The following RNF111 variants were observed in gnomAD, a reference collection of about 807,000 sequenced individuals.
RNF111 encodes ring finger protein 111.
In RNF111, 17 loss-of-function variants were observed where a neutral mutation model predicts 95.1. That is an observed-to-expected ratio of 0.18 (90% CI 0.12 to 0.27). The LOEUF is 0.27. Among genes scored for constraint, RNF111 ranks in the 10% least tolerant of loss-of-function variants. The pLI is 1.00. For synonymous variants in RNF111, 440 were observed against 414.8 expected (o/e 1.06, Z -0.74); for missense variants, 1,189 against 1,210.4 (o/e 0.98, Z 0.26).
intron 10 of RNF111, among the ~76,000 whole-genome samples, chr15:59,088,885 A>G (rs1366418981): frequency 6.6e-6 from 1 of 152,228 alleles, no homozygotes; most frequent in Non-Finnish European, 1.5e-5. Flanking sequence ...TTCTTTGCTT[A>G]GGAACACTAG....
intron 1 of RNF111, among the ~76,000 whole-genome samples, chr15:59,029,015 A>G (rs2040768563): frequency 6.6e-6 from 1 of 152,024 alleles, no homozygotes. Flanking sequence ...CCTGGCCTCC[A>G]GTGATCCGCC....
intron 5 of RNF111, among the ~76,000 whole-genome samples, chr15:59,058,862 C>T (rs1375573760): frequency 2.0e-5 from 3 of 152,086 alleles, no homozygotes; most frequent in South Asian, 2.1e-4. Context: ...TTAGAACTTT[C>T]GTGCATTAAA....
intron 9 of RNF111, 100 bp from the exon 10 acceptor site, chr15:59,085,559 A>G (rs767836960): frequency 5.0e-5 from 51 of 1,018,728 alleles, no homozygotes; most frequent in African/African-American, 1.2e-4. Flanking sequence ...GTAAGTTAAG[A>G]AACCTTAGAT....
At chr15:59,041,435 CCCAG>C (rs2041444674) in intron 2 of RNF111, among the ~76,000 whole-genome samples, 1 of 152,056 alleles carries the variant, frequency 6.6e-6, no homozygotes, top group Non-Finnish European at 1.5e-5. Flanking sequence ...CACCTGTAAT[CCCAG>C]CTACTCAAGA....
intron 1 of RNF111, among the ~76,000 whole-genome samples, chr15:58,988,838 G>A (rs1480570077): frequency 6.6e-6 from 1 of 152,178 alleles, no homozygotes; most frequent in African/African-American, 2.4e-5. Flanking sequence ...CTTGATTTAT[G>A]TGCGGCATTA....
intron 9 of RNF111, among the ~76,000 whole-genome samples, chr15:59,084,617 G>T (rs1432778204): frequency 6.6e-6 from 1 of 152,052 alleles, no homozygotes; most frequent in Non-Finnish European, 1.5e-5. Context: ...TTTCTTTGTG[G>T]TGAGTATATT....
intron 8 of RNF111, among the ~76,000 whole-genome samples, chr15:59,083,349 C>T (rs1206001309): frequency 6.6e-6 from 1 of 151,912 alleles, no homozygotes; most frequent in Non-Finnish European, 1.5e-5. Flanking sequence ...AGATTGAGAC[C>T]ATCCTGGCCA....
At chr15:59,058,693 G>T in intron 5 of RNF111, 143 bp downstream of exon 5, 1 of 715,716 alleles carries the variant, frequency 1.4e-6, no homozygotes, top group South Asian at 1.8e-5. Flanking sequence ...TATCAAGGTA[G>T]TCTTTATTAT....
chr15:59,066,800 A>T lies in RNF111; in HGVS notation c.1403A>T (p.Glu468Val). 1 of 1,613,984 alleles carries T rather than the reference A, an allele frequency of 6.2e-7. No individual in the cohort carries two copies. ...AGAACTACATCTAGTGCTGTAACGG[A>T]AACTGGCCCTCCTGCAATGCCAAGG... ...SRRTTSSAVTETGPPAMPRLP... is the reference protein window; with the variant it reads ...SRRTTSSAVTVTGPPAMPRLP... Residue 468 changes from glutamate (E) to valine (V), a missense_variant, in exon 6 of 14, where the codon GAA (glutamate) becomes GTA (valine). Physicochemically the swap from Glu to Val is moderately radical, Grantham distance 121 (BLOSUM62 -2). Around this residue, in one of 2 missense-constraint regions of RNF111, gnomAD observed 1,024 missense variants for 925.9 expected, o/e 1.11. Coordinates refer to ENST00000348370, the MANE Select transcript of RNF111 (RefSeq NM_017610.8).
At chr15:59,059,543 T>G (rs1267004479) in intron 5 of RNF111, among the ~76,000 whole-genome samples, 1 of 152,066 alleles carries the variant, frequency 6.6e-6, no homozygotes, top group Non-Finnish European at 1.5e-5. Flanking sequence ...GGGATGGGAG[T>G]TTTTAAAATT....
intron 2 of RNF111, among the ~76,000 whole-genome samples, chr15:59,032,379 A>G (rs1176317714): frequency 1.3e-5 from 2 of 152,182 alleles, no homozygotes; most frequent in Non-Finnish European, 2.9e-5. Context: ...GGATTCAGCC[A>G]TAGTAAGAAC....
intron 4 of RNF111, 31 bp downstream of exon 4, chr15:59,055,876 T>G (rs368228550): frequency 6.5e-7 from 1 of 1,545,790 alleles, no homozygotes; most frequent in African/African-American, 1.4e-5. Flanking sequence ...TAGAAAATTA[T>G]GAAAGGAGTT....
chr15:59,084,060 TACA>T (rs1353150946), intron 8 of RNF111, 66 bp from the exon 9 acceptor site: 1 of 1,425,642 alleles, frequency 7.0e-7, no homozygotes, highest in Admixed American at 2.5e-5. Flanking sequence ...GATTTTTTTC[TACA>T]TTAAGAAAAG....
chr15:59,033,680 C>T (rs1043656391), intron 2 of RNF111, among the ~76,000 whole-genome samples: 2 of 152,156 alleles, frequency 1.3e-5, no homozygotes, highest in Non-Finnish European at 2.9e-5. Context: ...AATTGAATGT[C>T]ATTATCAGTG....
At chr15:59,085,039 C>T (rs1375418922) in intron 9 of RNF111, among the ~76,000 whole-genome samples, 1 of 152,108 alleles carries the variant, frequency 6.6e-6, no homozygotes, top group African/African-American at 2.4e-5. Flanking sequence ...GTGGTCTTTC[C>T]TAGATAGGTG....
At chr15:59,014,487 A>G (rs1269737970) in intron 1 of RNF111, among the ~76,000 whole-genome samples, 1 of 152,228 alleles carries the variant, frequency 6.6e-6, no homozygotes, top group Admixed American at 6.5e-5. Flanking sequence ...AATACTTGGC[A>G]GTATCTATGT....
intron 10 of RNF111, among the ~76,000 whole-genome samples, chr15:59,086,002 A>G (rs1019283473): frequency 8.5e-5 from 13 of 152,204 alleles, no homozygotes; most frequent in African/African-American, 3.1e-4. Flanking sequence ...ACATGACAAA[A>G]AAGTGTGGGG....
intron 7 of RNF111, among the ~76,000 whole-genome samples, chr15:59,078,905 T>TA (rs2078654711): frequency 6.6e-6 from 1 of 151,790 alleles, no homozygotes; most frequent in Non-Finnish European, 1.5e-5. Context: ...TAAGGCTACT[T>TA]ACGATTAATC....
intron 3 of RNF111, among the ~76,000 whole-genome samples, chr15:59,054,842 CA>C (rs1463533475): frequency 6.6e-6 from 1 of 152,104 alleles, no homozygotes; most frequent in East Asian, 1.9e-4. Context: ...AGGTTATAAG[CA>C]GTTTTATATT....
Sources: gnomAD v4.1 joint callset for allele counts (sites outside exome capture counted in the v4.1 genomes callset) on GRCh38, gnomAD v4.1.1 for gene constraint, gnomAD v4.1.1 regional missense constraint, MANE v1.5 for transcripts, NCBI Gene and HGNC (gene_info 2026-07-23, HGNC 2026-07-21) for gene names.